Variants in RSU1 observed in about 807,000 individuals in gnomAD.
RSU1 encodes the protein Ras suppressor protein 1.
RSU1 carries 26 observed loss-of-function variants against 31.1 expected under a neutral mutation model. That is an observed-to-expected ratio of 0.84 (90% CI 0.61 to 1.16). The LOEUF is 1.16. RSU1 is among the 50% of genes most tolerant of loss of function. The probability of loss-of-function intolerance (pLI) is 0.00; values close to 1 mark genes in which losing one functional copy is unlikely to be tolerated. For synonymous variants in RSU1, 164 were observed against 136.3 expected (o/e 1.20, Z -1.41); for missense variants, 320 against 339.1 (o/e 0.94, Z 0.44).
At chr10:16,601,851 G>A (rs953265727) in intron 8 of RSU1, among the ~76,000 whole-genome samples, 1 of 152,154 alleles carries the variant, frequency 6.6e-6, no homozygotes, top group Non-Finnish European at 1.5e-5. Flanking sequence ...TATTAGCTGA[G>A]TAGCCTCAGA....
chr10:16,712,399 CCTTT>C (rs1836039522), intron 7 of RSU1, among the ~76,000 whole-genome samples: 2 of 151,854 alleles, frequency 1.3e-5, no homozygotes, highest in Admixed American at 1.3e-4. Flanking sequence ...ATCCTTTTCC[CCTTT>C]CTTTTACTCA....
intron 8 of RSU1, among the ~76,000 whole-genome samples, chr10:16,660,645 C>A (rs1202488391): frequency 2.5e-5 from 2 of 79,542 alleles, no homozygotes; most frequent in South Asian, 5.8e-4. Context: ...CTTGAACTCT[C>A]TTTTTTTTTT....
intron 2 of RSU1, among the ~76,000 whole-genome samples, chr10:16,807,859 G>A (rs1250042333): frequency 6.6e-6 from 1 of 151,684 alleles, no homozygotes; most frequent in Non-Finnish European, 1.5e-5. Context: ...CCGTCTCTAC[G>A]AAAAATACAA....
At chr10:16,696,357 C>T (rs903642104) in intron 7 of RSU1, among the ~76,000 whole-genome samples, 1 of 152,118 alleles carries the variant, frequency 6.6e-6, no homozygotes, top group Non-Finnish European at 1.5e-5. Context: ...CTGATCTGAG[C>T]TTTGGAAATG....
chr10:16,768,734 T>C (rs1487200894), intron 3 of RSU1, among the ~76,000 whole-genome samples: 2 of 152,188 alleles, frequency 1.3e-5, no homozygotes, highest in East Asian at 3.8e-4. Flanking sequence ...AAGAACTGAA[T>C]GTGATTCAAG....
At chr10:16,650,987 C>A (rs1033524073) in intron 8 of RSU1, among the ~76,000 whole-genome samples, 2 of 152,054 alleles carry the variant, frequency 1.3e-5, no homozygotes, top group Non-Finnish European at 2.9e-5. Flanking sequence ...AATTTACGAA[C>A]AAAAATGTGG....
chr10:16,708,393 G>A (rs1039561144), intron 7 of RSU1, among the ~76,000 whole-genome samples: 1 of 152,040 alleles, frequency 6.6e-6, no homozygotes, highest in African/African-American at 2.4e-5. Flanking sequence ...TTCCTGTTGA[G>A]GGATTTGTCT....
chr10:16,779,247 C>T (rs765353031), intron 3 of RSU1, among the ~76,000 whole-genome samples: 4 of 152,168 alleles, frequency 2.6e-5, no homozygotes, highest in African/African-American at 4.8e-5. Flanking sequence ...CAGCAATTAG[C>T]TTGACAATAC....
chr10:16,618,132 A>C (rs116383464), intron 8 of RSU1, among the ~76,000 whole-genome samples: 2,185 of 152,290 alleles, frequency 0.014, 53 homozygotes, highest in African/African-American at 0.049. Context: ...AAGTAAATTT[A>C]CAAGAAGAAA....
chr10:16,797,615 A>G (rs755633322), intron 2 of RSU1, among the ~76,000 whole-genome samples: 3 of 152,222 alleles, frequency 2.0e-5, no homozygotes, highest in Non-Finnish European at 1.5e-5. Flanking sequence ...ACACAGGGCA[A>G]AACTATAATT....
At chr10:16,762,824 C>G (rs1323695802) in intron 4 of RSU1, among the ~76,000 whole-genome samples, 2 of 151,990 alleles carry the variant, frequency 1.3e-5, no homozygotes, top group Admixed American at 6.6e-5. Context: ...ACCATCCTGG[C>G]CAACATGGTG....
At chr10:16,631,317 A>G (rs1834242747) in intron 8 of RSU1, among the ~76,000 whole-genome samples, 1 of 152,188 alleles carries the variant, frequency 6.6e-6, no homozygotes, top group Non-Finnish European at 1.5e-5. Flanking sequence ...TTAAGCCACA[A>G]ATAAGCCCAG....
chr10:16,748,435 G>T (rs956209251), intron 7 of RSU1: 12 of 151,902 alleles, frequency 7.9e-5, no homozygotes, highest in Admixed American at 7.9e-4. Flanking sequence ...ATTACACCGG[G>T]CTCACCTGGG....
At chr10:16,765,780 G>C (rs1837301348) in intron 3 of RSU1, among the ~76,000 whole-genome samples, 2 of 152,184 alleles carry the variant, frequency 1.3e-5, no homozygotes, top group Non-Finnish European at 2.9e-5. Context: ...TTATCAGTCA[G>C]GTTTACTTCC....
intron 8 of RSU1, among the ~76,000 whole-genome samples, chr10:16,654,866 C>T (rs1217382153): frequency 1.3e-5 from 2 of 151,680 alleles, no homozygotes; most frequent in East Asian, 1.9e-4. Context: ...TGAGACCAGC[C>T]TGGGCAACAT....
rs550894387 is a variant in RSU1 at position 16,761,736 on chromosome 10, G to A, written c.281+2654C>T. On this transcript the variant is annotated intron_variant, in intron 4 of 8. Coordinates refer to ENST00000345264, the MANE Select transcript of RSU1 (RefSeq NM_012425.4). ...CTGGGCGTGGTGGCAGGCGCCTGTA[G>A]TCCCAGCTACTTGGGAGGCTGAGGC... Among the ~76,000 whole-genome samples, 14 of 152,192 alleles carry A rather than the reference G, an allele frequency of 9.2e-5. No individual in the cohort carries two copies. The East Asian group carries it at 1.9e-3, about 21-fold the overall frequency.
intron 8 of RSU1, among the ~76,000 whole-genome samples, chr10:16,632,051 C>T (rs114055235): frequency 0.011 from 1,603 of 152,228 alleles, 26 homozygotes; most frequent in African/African-American, 0.037. Flanking sequence ...TGGGCCCTAC[C>T]CCAGAAAGCG....
In RSU1 at chr10:16,657,381, A is replaced by G. The variant is rs143030089; in HGVS notation, c.731+37642T>C. ...AGGCTGTCTGGTAGTAAGAGTATGT[A>G]CGAATATGTCTCACTAAATACTGAA... On this transcript the variant is annotated intron_variant, in intron 8 of 8. Coordinates refer to ENST00000345264, the MANE Select transcript of RSU1 (RefSeq NM_012425.4). 1.2e-4 allele frequency among the ~76,000 whole-genome samples: 18 copies of G among 152,334 alleles called. No homozygotes were observed. In the East Asian group the frequency reaches 2.9e-3, roughly 24 times the overall value.
intron 8 of RSU1, among the ~76,000 whole-genome samples, chr10:16,611,963 C>T (rs998566562): frequency 1.3e-5 from 2 of 152,182 alleles, no homozygotes; most frequent in African/African-American, 4.8e-5. Context: ...GACAAGTTAC[C>T]TAACCTCTCT....
Sources: allele counts gnomAD v4.1 joint callset (sites outside exome capture counted in the v4.1 genomes callset), GRCh38; gene constraint gnomAD v4.1.1; transcripts MANE v1.5; gene names NCBI Gene and HGNC (gene_info 2026-07-23, HGNC 2026-07-21).